CAPS2: variants seen among roughly 807,000 people sequenced by gnomAD.
CAPS2 encodes the protein calcyphosine 2, also known as calcyphosin-2.
Under a neutral mutation model 86.5 loss-of-function variants are expected in CAPS2, and 98 were observed. The ratio of observed to expected loss-of-function variants is 1.13; its 90% CI spans 0.96 to 1.34. CAPS2 has a LOEUF of 1.34. CAPS2 is among the 40% of genes most tolerant of loss of function. CAPS2 has a pLI of 0.00. For missense variants in CAPS2, 729 were observed against 686.8 expected (o/e 1.06, Z -0.69); for synonymous variants, 210 against 225.1 (o/e 0.93, Z 0.60).
chr12:75,285,763 C>T (rs912843243), intron 14 of CAPS2, among the ~76,000 whole-genome samples: 1 of 151,854 alleles, frequency 6.6e-6, no homozygotes, highest in Admixed American at 6.6e-5. Flanking sequence ...CATTTAAATA[C>T]TTTTAATGTA....
exon 17 of CAPS2, chr12:75,278,966 T>C (rs2137960505): frequency 6.2e-7 from 1 of 1,611,314 alleles, no homozygotes; most frequent in South Asian, 1.1e-5. Context: ...ACCTTCATAG[T>C]AATCTTCAAA....
chr12:75,362,929 T>C lies in CAPS2; in HGVS notation c.-395+27909A>G, dbSNP rs74108725. Among the ~76,000 whole-genome samples the C allele has an allele frequency of 4.6e-3, 706 of 152,310 alleles. 7 individuals are homozygous for C. Among genetic ancestry groups the C allele is most frequent in the African/African-American group, 0.016 (680 of 41,584 alleles). ...TCCACGTGATTCATCCTGTAAGGAA[T>C]TGTTTTAATAGCTTATTTTAACAAA... On this transcript the variant is annotated intron_variant, in intron 1 of 5. Transcript: ENST00000551829.
At chr12:75,382,019 C>A in intron 1 of CAPS2, among the ~76,000 whole-genome samples, 1 of 152,170 alleles carries the variant, frequency 6.6e-6, no homozygotes, top group Non-Finnish European at 1.5e-5. Flanking sequence ...GAAGTAAAGT[C>A]TATCTTTCTA....
intron 7 of CAPS2, among the ~76,000 whole-genome samples, chr12:75,309,320 C>T (rs1455296479): frequency 6.6e-6 from 1 of 152,230 alleles, no homozygotes; most frequent in Non-Finnish European, 1.5e-5. Context: ...TACACTTCTG[C>T]TGCTTTGCTT....
At chr12:75,353,084 A>T (rs548195087) in intron 1 of CAPS2, among the ~76,000 whole-genome samples, 47 of 152,304 alleles carry the variant, frequency 3.1e-4, no homozygotes, top group Non-Finnish European at 5.3e-4. Context: ...TAACTAAAGG[A>T]ACTAGAGAAC....
intron 16 of CAPS2, among the ~76,000 whole-genome samples, chr12:75,279,377 T>C (rs562228693): frequency 6.6e-6 from 1 of 152,054 alleles, no homozygotes; most frequent in Admixed American, 6.6e-5. Context: ...TAGTGACTGG[T>C]CAGATAACAC....
At chr12:75,323,962 G>C (rs1340234164) in intron 2 of CAPS2, among the ~76,000 whole-genome samples, 1 of 152,100 alleles carries the variant, frequency 6.6e-6, no homozygotes, top group Non-Finnish European at 1.5e-5. Context: ...ACTGAAATTG[G>C]CAAATGCTAC....
exon 17 of CAPS2, chr12:75,277,581 T>C: frequency 1.0e-6 from 1 of 970,598 alleles, no homozygotes; most frequent in Non-Finnish European, 1.2e-6. Context: ...ACACATATTT[T>C]CCCTCTCATG....
At chr12:75,362,973 G>A (rs1166485844) in intron 1 of CAPS2, 1 of 513,444 alleles carries the variant, frequency 1.9e-6, no homozygotes, top group African/African-American at 2.1e-5. Flanking sequence ...AAATAAAATT[G>A]AGACATTATT....
intron 7 of CAPS2, among the ~76,000 whole-genome samples, chr12:75,308,495 C>T (rs146658562): frequency 3.2e-4 from 48 of 152,244 alleles, no homozygotes; most frequent in Admixed American, 5.9e-4. Context: ...GCTTTTGTTG[C>T]GTCATCCTTT....
chr12:75,310,509 G>A (rs570738025), intron 7 of CAPS2, among the ~76,000 whole-genome samples: 71 of 152,304 alleles, frequency 4.7e-4, no homozygotes, highest in Non-Finnish European at 7.8e-4. Context: ...ATGGCTAGAG[G>A]AGAATAGGTA....
intron 1 of CAPS2, among the ~76,000 whole-genome samples, chr12:75,381,735 C>T (rs542033773): frequency 2.6e-5 from 4 of 151,882 alleles, no homozygotes; most frequent in African/African-American, 9.7e-5. Context: ...CTGCCTCAGC[C>T]TCCCGAGTAG....
chr12:75,386,564 C>T (rs75891137), intron 1 of CAPS2, among the ~76,000 whole-genome samples: 2,544 of 152,294 alleles, frequency 0.017, 43 homozygotes, highest in Non-Finnish European at 0.026. Flanking sequence ...GAGGACAGGG[C>T]TCTCATGACC....
chr12:75,286,724 T>C (rs1004790841), intron 14 of CAPS2, among the ~76,000 whole-genome samples: 3 of 151,944 alleles, frequency 2.0e-5, no homozygotes, highest in Non-Finnish European at 2.9e-5. Flanking sequence ...AAATTAGACC[T>C]AGGTTAGTGA....
intron 14 of CAPS2, among the ~76,000 whole-genome samples, chr12:75,289,279 G>A (rs933758713): frequency 6.6e-6 from 1 of 152,158 alleles, no homozygotes; most frequent in Non-Finnish European, 1.5e-5. Flanking sequence ...CCCACAACCT[G>A]TCTTGGAATC....
At chr12:75,341,340 A>G (rs2042090478) in intron 1 of CAPS2, among the ~76,000 whole-genome samples, 1 of 152,224 alleles carries the variant, frequency 6.6e-6, no homozygotes, top group Non-Finnish European at 1.5e-5. Flanking sequence ...AACTATCAAC[A>G]CATGTAACAT....
rs150435663 is a variant in CAPS2 at position 75,360,600 on chromosome 12, C to T, written c.-395+30238G>A. On this transcript the variant is annotated intron_variant, in intron 1 of 5. Transcript: ENST00000551829. ...GCATGCTGATGGGAGAGGTGGGTTC[C>T]CATGGCCTTAGGCAGCTCCTTCACA... The T allele has an allele frequency of 9.7e-4, 148 of 152,322 alleles. 1 individual carries two copies. Among genetic ancestry groups the T allele is most frequent in the Admixed American group, 2.0e-3 (30 of 15,280 alleles). 9.4% of individuals were successfully genotyped at this position (152,322 alleles called of 1,614,324 possible).
chr12:75,277,347 T>C, exon 17 of CAPS2: 1 of 972,576 alleles, frequency 1.0e-6, no homozygotes, highest in Non-Finnish European at 1.2e-6. Flanking sequence ...ATATGCATAT[T>C]GAGCACCCCC....
intron 2 of CAPS2, among the ~76,000 whole-genome samples, 190 bp from the exon 4 acceptor site, chr12:75,323,412 A>C (rs531930829): frequency 6.6e-6 from 1 of 152,116 alleles, no homozygotes; most frequent in East Asian, 1.9e-4. Context: ...TCCATCATTA[A>C]AAATACATAT....
Sources: allele counts gnomAD v4.1 joint callset (sites outside exome capture counted in the v4.1 genomes callset), GRCh38; gene constraint gnomAD v4.1.1; transcripts MANE v1.5; gene names NCBI Gene and HGNC (gene_info 2026-07-23, HGNC 2026-07-21).